The following FRMPD4 variants were observed in gnomAD, a reference collection of about 807,000 sequenced individuals.
The protein encoded by FRMPD4 is FERM and PDZ domain-containing protein 4.
In FRMPD4, 22 loss-of-function variants were observed where a neutral mutation model predicts 94.1. The observed-to-expected ratio is 0.23, with a 90% CI of 0.17 to 0.33. The LOEUF (loss-of-function observed/expected upper bound fraction) is 0.33, where lower values mean the gene tolerates loss of function less well. Among genes scored for constraint, FRMPD4 ranks in the 10% least tolerant of loss-of-function variants. FRMPD4 has a pLI of 1.00. For missense variants in FRMPD4, 1,111 were observed against 1,339.9 expected (o/e 0.83, Z 2.67); for synonymous variants, 631 against 548.6 (o/e 1.15, Z -2.10).
At chrX:11,841,510 T>A (rs1238062281) in intron 1 of FRMPD4, among the ~76,000 whole-genome samples, 3 of 108,842 alleles carry the variant, frequency 2.8e-5, no homozygotes, top group Admixed American at 9.9e-5. Flanking sequence ...ATGGTGAGCA[T>A]TTTTTCATGT....
chrX:12,287,695 C>A (rs1458605724), intron 1 of FRMPD4, among the ~76,000 whole-genome samples: 1 of 111,618 alleles, frequency 9.0e-6, no homozygotes, highest in Non-Finnish European at 1.9e-5. Flanking sequence ...AGAGAGGAAT[C>A]AATTATCTGA....
chrX:12,587,910 G>T (rs2058947301), intron 2 of FRMPD4, among the ~76,000 whole-genome samples: 2 of 111,891 alleles, frequency 1.8e-5, no homozygotes, highest in African/African-American at 6.5e-5. Flanking sequence ...AACCATTCTG[G>T]CCTGGCCTGT....
intron 3 of FRMPD4, among the ~76,000 whole-genome samples, chrX:11,914,574 G>C (rs748043300): frequency 3.6e-5 from 4 of 111,907 alleles, no homozygotes; most frequent in Non-Finnish European, 5.6e-5. Context: ...ACCAACTGGT[G>C]TCCTGTTGTA....
At chrX:12,339,808 G>A (rs772537595) in intron 1 of FRMPD4, among the ~76,000 whole-genome samples, 21 of 111,082 alleles carry the variant, frequency 1.9e-4, no homozygotes, top group Non-Finnish European at 3.6e-4. Flanking sequence ...GTAGAGACAG[G>A]GTTTCACCAT....
intron 3 of FRMPD4, among the ~76,000 whole-genome samples, chrX:12,013,193 C>T (rs750683906): frequency 1.8e-5 from 2 of 111,907 alleles, no homozygotes; most frequent in Non-Finnish European, 3.8e-5. Flanking sequence ...CAATCACAAG[C>T]TTAGCATTGT....
chrX:11,916,574 C>A (rs113583980), intron 3 of FRMPD4, among the ~76,000 whole-genome samples: 4,825 of 111,025 alleles, frequency 0.043, 118 homozygotes, highest in East Asian at 0.15. Flanking sequence ...TGGGTGGAGA[C>A]TTCAGGAGAA....
chrX:12,038,961 G>T (rs2054735323), intron 3 of FRMPD4, among the ~76,000 whole-genome samples: 1 of 107,567 alleles, frequency 9.3e-6, no homozygotes, highest in African/African-American at 3.4e-5. Context: ...TCTCTAGTTT[G>T]TTCCTTTTTT....
chrX:12,521,120 C>T (rs1225941573), intron 2 of FRMPD4, among the ~76,000 whole-genome samples: 1 of 112,382 alleles, frequency 8.9e-6, no homozygotes, highest in Admixed American at 9.4e-5. Flanking sequence ...TTTCAGGTAT[C>T]ATGAAATATT....
rs769073104 is a variant in FRMPD4, at chrX:11,876,030, C to T, written c.-29-1865C>T. 6.5e-3 allele frequency among the ~76,000 whole-genome samples: 706 copies of T among 109,226 alleles called. 16 individuals carry two copies. The highest frequency in any genetic ancestry group is 0.023 in the African/African-American group (681 of 29,528). 94.8% of individuals were successfully genotyped at this position (109,226 alleles called of 115,157 possible). ...AGCTGGGACTACAGGCACCCACCAC[C>T]ATGCCCGGCTAATTTTTGTATTTTT... On this transcript the variant is annotated intron_variant, in intron 2 of 18. Coordinates refer to the FRMPD4 transcript ENST00000640291.
At chrX:12,019,948 A>G (rs1288300015) in intron 3 of FRMPD4, among the ~76,000 whole-genome samples, 1 of 112,242 alleles carries the variant, frequency 8.9e-6, no homozygotes, top group Non-Finnish European at 1.9e-5. Flanking sequence ...TCTGTGAGAT[A>G]AGTCCTGTTT....
chrX:12,312,398 G>A lies in FRMPD4; in HGVS notation c.41+173386G>A, dbSNP rs752426463. Reference sequence around the variant, plus strand: ...CTCCCGAGTAGCTGGGACTACAGGCGCCTGCCACCACGCCCAGCTAATTTT... The same window carrying A: ...CTCCCGAGTAGCTGGGACTACAGGCACCTGCCACCACGCCCAGCTAATTTT... On this transcript the variant is annotated intron_variant, in intron 1 of 16. Coordinates refer to ENST00000675598, the MANE Select transcript of FRMPD4 (RefSeq NM_001368397.1). Among the ~76,000 whole-genome samples the A allele has an allele frequency of 1.5e-4, 16 of 106,959 alleles. No individual in the cohort carries two copies. The South Asian group carries it at 5.6e-3, about 37-fold the overall frequency. The allele number at this position is 106,959 out of a possible 115,157, so 92.9% of individuals were successfully genotyped here.
Position 12,317,554 on chromosome X carries a change from G to A in FRMPD4, c.41+178542G>A, listed in dbSNP as rs185266371. ...TCATCCAGCAAGGGATTAACAACTA[G>A]AATATACAAGGAAGTCAAACAACTA... On this transcript the variant is annotated intron_variant, in intron 1 of 16. Transcript: ENST00000675598. Among the ~76,000 whole-genome samples, 88 of 42,886 alleles carry A rather than the reference G, an allele frequency of 2.1e-3. 1 individual carries two copies. Among genetic ancestry groups the A allele is most frequent in the Middle Eastern group, 0.019 (1 of 54 alleles). The allele number at this position is 42,886 out of a possible 115,157, so 37.2% of individuals were successfully genotyped here.
intron 1 of FRMPD4, among the ~76,000 whole-genome samples, chrX:12,344,808 T>C (rs746588795): frequency 8.9e-6 from 1 of 111,997 alleles, no homozygotes; most frequent in East Asian, 2.8e-4. Context: ...AGTGCTGAAT[T>C]CCAAGTGTAT....
chrX:12,701,983 C>A lies in FRMPD4; in HGVS notation c.1043C>A (p.Thr348Lys). The stretch of plus-strand genomic sequence containing the variant: ...ATTGCAACCGTTACCACCAAGCAAA[C>A]GCAGAAAATCTCCCTCAAATACATC... ...MYIATVTTKQ[T>K]QKISLKYIEK... Residue 348 changes from threonine (T) to lysine (K), a missense_variant, in exon 10 of 17, where the codon ACG (threonine) becomes AAG (lysine). Around this residue, in one of 8 missense-constraint regions of FRMPD4, gnomAD observed 111 missense variants for 160.7 expected, o/e 0.69. Transcript: ENST00000675598. The A allele has an allele frequency of 8.3e-7, 1 of 1,210,867 alleles. No homozygotes were observed. Among genetic ancestry groups the A allele is most frequent in the Non-Finnish European group, 1.1e-6 (1 of 894,173 alleles).
chrX:12,525,221 T>A (rs2058210399), intron 2 of FRMPD4, among the ~76,000 whole-genome samples: 1 of 111,263 alleles, frequency 9.0e-6, no homozygotes, highest in African/African-American at 3.3e-5. Flanking sequence ...CCTCGCCACT[T>A]TTCTGCCCAC....
intron 3 of FRMPD4, among the ~76,000 whole-genome samples, chrX:12,086,832 G>C (rs1361589546): frequency 2.7e-5 from 3 of 112,037 alleles, no homozygotes; most frequent in Non-Finnish European, 5.6e-5. Context: ...CTGCAGCGAA[G>C]GTGGTGTCTG....
At chrX:12,137,816 G>C (rs992652338), upstream of FRMPD4, among the ~76,000 whole-genome samples, 18 of 112,113 alleles carry the variant, frequency 1.6e-4, no homozygotes, top group African/African-American at 5.8e-4. Flanking sequence ...GTTTTGTTTT[G>C]TTTTGTTTTT....
At chrX:12,270,423 G>A (rs1297219147) in intron 1 of FRMPD4, among the ~76,000 whole-genome samples, 3 of 111,291 alleles carry the variant, frequency 2.7e-5, no homozygotes, top group Non-Finnish European at 5.7e-5. Context: ...ATTTCCCTTA[G>A]GGAATTGCAA....
chrX:12,338,450 A>T (rs1453769731), intron 1 of FRMPD4, among the ~76,000 whole-genome samples: 4 of 112,526 alleles, frequency 3.6e-5, no homozygotes, highest in Non-Finnish European at 7.5e-5. Flanking sequence ...TTGATTGAGC[A>T]CCTATGTGTC....
Sources: allele counts gnomAD v4.1 joint callset (sites outside exome capture counted in the v4.1 genomes callset), GRCh38; gene constraint gnomAD v4.1.1; regional missense constraint gnomAD v4.1.1; transcripts MANE v1.5; gene names NCBI Gene and HGNC (gene_info 2026-07-23, HGNC 2026-07-21).